SPINK5: variants seen among roughly 807,000 people sequenced by gnomAD.
The protein encoded by SPINK5 is serine protease inhibitor Kazal-type 5.
SPINK5 carries 125 observed loss-of-function variants against 151.8 expected under a neutral mutation model. That is an observed-to-expected ratio of 0.82 (90% CI 0.71 to 0.96). The LOEUF (loss-of-function observed/expected upper bound fraction) is 0.96. SPINK5 is among the 40% of genes least tolerant of loss of function. The probability of loss-of-function intolerance (pLI) is 0.00; values close to 1 mark genes in which losing one functional copy is unlikely to be tolerated. For synonymous variants in SPINK5, 374 were observed against 395.3 expected (o/e 0.95, Z 0.64); for missense variants, 1,194 against 1,291.9 (o/e 0.92, Z 1.16).
At chr5:148,108,873 T>A (rs1561693875) in intron 18 of SPINK5, 36 bp downstream of exon 18, 3 of 1,609,246 alleles carry the variant, frequency 1.9e-6, no homozygotes, top group Non-Finnish European at 2.5e-6. Flanking sequence ...ACATAAATAT[T>A]CAACGATCAC....
At chr5:148,078,581 A>AT (rs894356477) in intron 4 of SPINK5, among the ~76,000 whole-genome samples, 84 of 149,748 alleles carry the variant, frequency 5.6e-4, no homozygotes, top group East Asian at 1.8e-3. Context: ...CATATATAGT[A>AT]TTTTTTTTTA....
chr5:148,089,622 G>T lies in SPINK5; in HGVS notation c.602+1G>T, dbSNP rs769549131. On this transcript the variant is annotated splice_donor_variant, in intron 7 of 32. Coordinates refer to ENST00000256084, the MANE Select transcript of SPINK5 (RefSeq NM_006846.4). LOFTEE classifies it high-confidence loss of function. ...AGTGTGCAATGTGTGCTGAGCTGTT[G>T]TAAGTAGCATCATCCCCAGGTGGAC... 23 of 1,611,616 alleles carry T rather than the reference G, an allele frequency of 1.4e-5. No individual in the cohort carries two copies. In the East Asian group the frequency reaches 1.8e-4, roughly 13 times the overall value.
chr5:148,090,462 T>C (rs899014076), intron 7 of SPINK5, among the ~76,000 whole-genome samples: 8 of 151,692 alleles, frequency 5.3e-5, no homozygotes, highest in African/African-American at 1.9e-4. Flanking sequence ...GTTCTCTCAA[T>C]GTTCAAATCT....
At chr5:148,098,102 G>C (rs1340087660) in intron 11 of SPINK5, 108 bp downstream of exon 11, 1 of 1,078,398 alleles carries the variant, frequency 9.3e-7, no homozygotes, top group Non-Finnish European at 1.4e-6. Context: ...ACAGGGAAGT[G>C]AGTTGAAAAC....
chr5:148,066,168 G>A (rs1752578924), intron 2 of SPINK5, among the ~76,000 whole-genome samples: 1 of 152,134 alleles, frequency 6.6e-6, no homozygotes, highest in African/African-American at 2.4e-5. Context: ...GCACCTGTGA[G>A]CGCAGAGGCC....
intron 26 of SPINK5, among the ~76,000 whole-genome samples, chr5:148,122,866 ATTTTTT>A (rs111936279): frequency 1.6e-5 from 2 of 127,846 alleles, no homozygotes; most frequent in Admixed American, 8.3e-5. Context: ...TCGCACAATA[ATTTTTT>A]TTTTTTTTTT....
At chr5:148,066,091 A>T (rs1422528285) in intron 2 of SPINK5, among the ~76,000 whole-genome samples, 3 of 152,170 alleles carry the variant, frequency 2.0e-5, no homozygotes, top group African/African-American at 7.2e-5. Context: ...GTATTAGAAT[A>T]GGAATCTGAA....
intron 15 of SPINK5, among the ~76,000 whole-genome samples, chr5:148,104,267 A>C (rs1178688072): frequency 6.6e-6 from 1 of 152,200 alleles, no homozygotes; most frequent in African/African-American, 2.4e-5. Context: ...TCTTCCTTGC[A>C]GAATTTGGCT....
chr5:148,093,894 ATCC>A lies in SPINK5; in HGVS notation c.667-457_667-455del, dbSNP rs563841631. ...ACAATATAATTACTGTTTCTTAGTA[ATCC>A]TCATTAATATGTTGTATGTATTTGC... On this transcript the variant is annotated intron_variant, in intron 8 of 32. Coordinates refer to ENST00000256084, the MANE Select transcript of SPINK5 (RefSeq NM_006846.4). Among the ~76,000 whole-genome samples, 241 of 152,034 alleles carry A rather than the reference ATCC, an allele frequency of 1.6e-3. 1 individual carries two copies. The highest frequency in any genetic ancestry group is 5.5e-3 in the African/African-American group (228 of 41,508).
intron 32 of SPINK5, among the ~76,000 whole-genome samples, chr5:148,134,517 A>T (rs1036667410): frequency 2.0e-5 from 3 of 152,100 alleles, no homozygotes; most frequent in African/African-American, 7.2e-5. Context: ...CTTATACGAG[A>T]CTCTTGGCAA....
chr5:148,064,230 C>T (rs1752518150), intron 1 of SPINK5, 131 bp downstream of exon 1: 2 of 935,958 alleles, frequency 2.1e-6, no homozygotes, highest in African/African-American at 1.6e-5. Flanking sequence ...TCTTGCCAGA[C>T]ACAGAGTTCT....
chr5:148,089,409 G>C, intron 6 of SPINK5, 85 bp from the exon 7 acceptor site: 1 of 1,591,570 alleles, frequency 6.3e-7, no homozygotes, highest in Non-Finnish European at 8.6e-7. Context: ...AATGTCAGAG[G>C]GACTGAGTTC....
intron 8 of SPINK5, among the ~76,000 whole-genome samples, chr5:148,093,339 T>C (rs1753363697): frequency 6.6e-6 from 1 of 151,882 alleles, no homozygotes; most frequent in African/African-American, 2.4e-5. Flanking sequence ...CAAATCTTTC[T>C]TGGATTTTTT....
At chr5:148,073,712 G>A (rs183423665) in intron 4 of SPINK5, among the ~76,000 whole-genome samples, 2 of 151,142 alleles carry the variant, frequency 1.3e-5, no homozygotes, top group African/African-American at 4.8e-5. Context: ...GTTTCCATAT[G>A]TAGACACAAA....
intron 29 of SPINK5, 26 bp downstream of exon 29, chr5:148,125,876 T>C (rs1754418628): frequency 1.2e-6 from 2 of 1,614,146 alleles, no homozygotes; most frequent in Non-Finnish European, 8.5e-7. Context: ...CTGCTCCCCC[T>C]GTAGCTAGCA....
At chr5:148,116,910 G>C (rs1754108953) in intron 22 of SPINK5, among the ~76,000 whole-genome samples, 1 of 152,118 alleles carries the variant, frequency 6.6e-6, no homozygotes, top group Non-Finnish European at 1.5e-5. Context: ...CCTACTACCT[G>C]GACTTGTGAG....
chr5:148,133,090 T>C (rs1754612703), intron 31 of SPINK5, among the ~76,000 whole-genome samples: 1 of 152,130 alleles, frequency 6.6e-6, no homozygotes, highest in African/African-American at 2.4e-5. Flanking sequence ...GAAACTGAAA[T>C]GATGAAAATA....
At chr5:148,126,877 CTACCA>C (rs2113221199) in intron 29 of SPINK5, 101 bp from the exon 30 acceptor site, 1 of 961,978 alleles carries the variant, frequency 1.0e-6, no homozygotes, top group African/African-American at 1.7e-5. Context: ...CAGGCGTGAA[CTACCA>C]TGCCTGGCCT....
Position 148,117,380 on chromosome 5 carries a change from TTC to T in SPINK5, c.2112+922_2112+923del, listed in dbSNP as rs3036736. Among the ~76,000 whole-genome samples, 190 of 152,344 alleles carry T rather than the reference TTC, an allele frequency of 1.2e-3. 1 individual carries two copies. Among genetic ancestry groups the T allele is most frequent in the African/African-American group, 4.4e-3 (184 of 41,578 alleles). ...AACTTTGGGTTTTCCTCCAGCATTT[TTC>T]TCTCTCTTCTATCTGCACTAGAGAC... On this transcript the variant is annotated intron_variant, in intron 22 of 32. Transcript: ENST00000256084.
Sources: allele counts gnomAD v4.1 joint callset (sites outside exome capture counted in the v4.1 genomes callset), GRCh38; gene constraint gnomAD v4.1.1; transcripts MANE v1.5; gene names NCBI Gene and HGNC (gene_info 2026-07-23, HGNC 2026-07-21).